The following DNAH7 variants were observed in gnomAD, a reference collection of about 807,000 sequenced individuals.
DNAH7 encodes the protein axonemal beta dynein heavy chain 7.
In DNAH7, 397 loss-of-function variants were observed where a neutral mutation model predicts 444.6. The observed-to-expected ratio is 0.89, with a 90% CI of 0.82 to 0.97. DNAH7 has a LOEUF of 0.97. Among genes scored for constraint, DNAH7 ranks in the 50% least tolerant of loss-of-function variants. The pLI is 0.00. For missense variants in DNAH7, 4,902 were observed against 4,800.8 expected (o/e 1.02, Z -0.62); for synonymous variants, 1,636 against 1,624.4 (o/e 1.01, Z -0.17).
At position 195,896,249 on chromosome 2, in the gene DNAH7, C is replaced by T. The variant is rs189814327; in HGVS notation, c.4648-1025G>A. Among the ~76,000 whole-genome samples, 537 of 152,152 alleles carry T rather than the reference C, an allele frequency of 3.5e-3. 5 individuals carry two copies. Among genetic ancestry groups the T allele is most frequent in the African/African-American group, 0.012 (495 of 41,526 alleles). ...CATGCTGTGCAGTGATATTTTGTTACGGTTTTGATTTGTATTTTCCAATGA... is the reference window on the plus strand; with the variant it reads ...CATGCTGTGCAGTGATATTTTGTTATGGTTTTGATTTGTATTTTCCAATGA... On this transcript the variant is annotated intron_variant, in intron 29 of 64. Coordinates refer to ENST00000312428, the MANE Select transcript of DNAH7 (RefSeq NM_018897.3).
rs948869852 is a variant in DNAH7, at chr2:196,019,528, G to A, written c.744-233C>T. ...TAGATTTAAATCTTTAAAACAAAAG[G>A]TAACTAATTTTTATCTCCAAATACT... On this transcript the variant is annotated intron_variant, in intron 8 of 64. Transcript: ENST00000312428. Among the ~76,000 whole-genome samples, 6 of 151,898 alleles carry A rather than the reference G, an allele frequency of 4.0e-5. No homozygotes were observed. The Middle Eastern group carries it at 0.01, about 258-fold the overall frequency.
chr2:196,051,778 A>G (rs1697489664), intron 2 of DNAH7, among the ~76,000 whole-genome samples: 1 of 152,168 alleles, frequency 6.6e-6, no homozygotes, highest in Non-Finnish European at 1.5e-5. Flanking sequence ...AGAAAAAAAA[A>G]TAAATAAAAA....
intron 55 of DNAH7, 48 bp from the exon 56 acceptor site, chr2:195,796,785 A>C (rs1381817631): frequency 6.4e-7 from 1 of 1,561,258 alleles, no homozygotes; most frequent in Non-Finnish European, 8.7e-7. Context: ...CATTTTAAGA[A>C]ACATCAATAT....
intron 58 of DNAH7, among the ~76,000 whole-genome samples, chr2:195,778,618 G>GGAAAAAAAAA (rs1365539221): frequency 1.4e-4 from 3 of 21,790 alleles, no homozygotes; most frequent in African/African-American, 4.0e-4. Flanking sequence ...GACCCTGTCT[G>GGAAAAAAAAA]AAAAAAAAAA....
At chr2:195,753,190 G>A (rs1012214892) in intron 63 of DNAH7, among the ~76,000 whole-genome samples, 2 of 152,028 alleles carry the variant, frequency 1.3e-5, no homozygotes, top group Non-Finnish European at 2.9e-5. Context: ...AATGTATTGA[G>A]TCGGTGGTGC....
intron 19 of DNAH7, among the ~76,000 whole-genome samples, chr2:195,940,004 C>A (rs920910776): frequency 7.9e-5 from 12 of 152,208 alleles, no homozygotes; most frequent in African/African-American, 2.9e-4. Context: ...ACTTTCTTTG[C>A]AGAATTAGAA....
chr2:195,892,846 T>C (rs1192418485), intron 30 of DNAH7: 1 of 151,748 alleles, frequency 6.6e-6, no homozygotes, highest in East Asian at 1.9e-4. Context: ...ACATAACAAG[T>C]TCAACTCTTT....
intron 10 of DNAH7, among the ~76,000 whole-genome samples, chr2:196,008,881 A>G (rs963500250): frequency 2.6e-5 from 4 of 152,212 alleles, no homozygotes; most frequent in Admixed American, 6.5e-5. Flanking sequence ...TAATTTATAA[A>G]GAAAAGAGGT....
At chr2:195,915,127 G>T (rs1207637659) in intron 24 of DNAH7, among the ~76,000 whole-genome samples, 1 of 152,144 alleles carries the variant, frequency 6.6e-6, no homozygotes, top group Non-Finnish European at 1.5e-5. Flanking sequence ...TCCATGAAAA[G>T]ACTACAATAA....
chr2:195,916,892 G>A (rs1238625060), intron 24 of DNAH7, among the ~76,000 whole-genome samples: 1 of 151,658 alleles, frequency 6.6e-6, no homozygotes, highest in East Asian at 1.9e-4. Context: ...GAGGTCAGGA[G>A]ATCGAGACCA....
In DNAH7 at chr2:195,740,632, TATATATATATATAC is replaced by T. The variant is rs1488098497; in HGVS notation, c.11868+120_11868+133del. Reference sequence around the variant, plus strand: ...GTGTGTGTGTATATATATATATATATATATATATATATACATATACACACACACATATGTATACA... The same window carrying T: ...GTGTGTGTGTATATATATATATATATATATACACACACACATATGTATACA... On this transcript the variant is annotated intron_variant, in intron 64 of 64. Coordinates refer to ENST00000312428, the MANE Select transcript of DNAH7 (RefSeq NM_018897.3). 62 of 106,262 alleles carry T rather than the reference TATATATATATATAC, an allele frequency of 5.8e-4. 1 individual carries two copies. Among genetic ancestry groups the T allele is most frequent in the East Asian group, 2.3e-3 (10 of 4,410 alleles). 6.6% of individuals were successfully genotyped at this position (106,262 alleles called of 1,614,324 possible).
intron 46 of DNAH7, among the ~76,000 whole-genome samples, chr2:195,849,583 ATGTTT>A (rs1419800799): frequency 6.6e-6 from 1 of 151,986 alleles, no homozygotes; most frequent in Non-Finnish European, 1.5e-5. Flanking sequence ...TGCTTCTGGC[ATGTTT>A]TATTTTTAAT....
chr2:196,041,431 T>C (rs574744007), intron 5 of DNAH7, among the ~76,000 whole-genome samples: 1 of 152,226 alleles, frequency 6.6e-6, no homozygotes, highest in Non-Finnish European at 1.5e-5. Flanking sequence ...AACTCATTTT[T>C]GACAAAGGTG....
chr2:196,039,204 G>A (rs988547818), intron 5 of DNAH7, among the ~76,000 whole-genome samples: 14 of 152,124 alleles, frequency 9.2e-5, no homozygotes, highest in African/African-American at 3.4e-4. Context: ...CCAATAGCAA[G>A]AGCAACTTTG....
rs139729387 is a variant in DNAH7 at position 195,761,244 on chromosome 2, CAGA to C, written c.11434-4962_11434-4960del. On this transcript the variant is annotated intron_variant, in intron 61 of 64. Transcript: ENST00000312428. ...TCTCTTAACAGCAGAACTAATCAAG[CAGA>C]AGAAACTAGTTAGCTAGAAGACAGG... 2.1e-3 allele frequency among the ~76,000 whole-genome samples: 322 copies of C among 151,724 alleles called. 1 individual carries two copies. Among genetic ancestry groups the C allele is most frequent in the African/African-American group, 7.6e-3 (315 of 41,378 alleles).
chr2:196,028,740 C>G (rs555107508), intron 5 of DNAH7, among the ~76,000 whole-genome samples: 21 of 152,280 alleles, frequency 1.4e-4, no homozygotes, highest in South Asian at 1.2e-3. Flanking sequence ...TTGACTGTAT[C>G]ATTCTCTGGA....
Position 195,936,678 on chromosome 2 carries a change from G to C in DNAH7, c.3193C>G (p.Arg1065Gly). Reference protein sequence around the residue: ...KGLNEYLEKKRLFFPRFFFLS... With the variant: ...KGLNEYLEKKGLFFPRFFFLS... ...AAAAAGAATCTGGGGAAAAAGAGGC[G>C]TTTCTTTTCCAAATATTCATTAAGT... The change falls in exon 20 of 65, where the codon CGC becomes GGC. Residue 1065 changes from arginine (R) to glycine (G), a missense_variant. Physicochemically the swap from Arg to Gly is moderately radical, Grantham distance 125 (BLOSUM62 -2). Transcript: ENST00000312428. 6.2e-7 allele frequency: 1 copy of C among 1,604,098 alleles called. No individual in the cohort carries two copies. The highest frequency in any genetic ancestry group is 1.7e-5 in the Admixed American group (1 of 58,434).
intron 54 of DNAH7, 45 bp downstream of exon 54, chr2:195,806,695 A>ACATTTGGATGGAC (rs1172205571): frequency 2.6e-6 from 4 of 1,551,896 alleles, no homozygotes; most frequent in Non-Finnish European, 2.7e-6. Context: ...CTGAGCAGGC[A>ACATTTGGATGGAC]TAAGGCTTTG....
chr2:195,955,111 T>G (rs1311512420), intron 19 of DNAH7, among the ~76,000 whole-genome samples: 1 of 152,168 alleles, frequency 6.6e-6, no homozygotes, highest in Admixed American at 6.5e-5. Flanking sequence ...TGCCTATGTC[T>G]TGAATGGTAT....
Sources: allele counts gnomAD v4.1 joint callset (sites outside exome capture counted in the v4.1 genomes callset), GRCh38; gene constraint gnomAD v4.1.1; transcripts MANE v1.5; gene names NCBI Gene and HGNC (gene_info 2026-07-23, HGNC 2026-07-21).